The following RTN1 variants were observed in gnomAD, a reference collection of about 807,000 sequenced individuals.
The protein encoded by RTN1 is reticulon-1.
A neutral mutation model predicts 65.5 loss-of-function variants in RTN1; 25 were observed. The ratio of observed to expected loss-of-function variants is 0.38; its 90% confidence interval spans 0.28 to 0.53. The LOEUF (loss-of-function observed/expected upper bound fraction) is 0.53. RTN1 is among the 20% of genes least tolerant of loss of function. RTN1 has a pLI of 0.79. For synonymous variants in RTN1, 471 were observed against 447.6 expected (o/e 1.05, Z -0.66); for missense variants, 983 against 1,025.4 (o/e 0.96, Z 0.57).
chr14:59,755,623 C>A (rs1488186464), intron 1 of RTN1, among the ~76,000 whole-genome samples: 1 of 152,144 alleles, frequency 6.6e-6, no homozygotes, highest in African/African-American at 2.4e-5. Flanking sequence ...GAGGCTGTGA[C>A]ACATTTGACA....
chr14:59,809,804 C>A (rs907287664), intron 1 of RTN1, among the ~76,000 whole-genome samples: 2 of 152,124 alleles, frequency 1.3e-5, no homozygotes, highest in Non-Finnish European at 2.9e-5. Context: ...CACAACAGAA[C>A]CCCCAGATGC....
intron 1 of RTN1, among the ~76,000 whole-genome samples, chr14:59,865,006 G>A (rs1887773615): frequency 1.3e-5 from 2 of 152,060 alleles, no homozygotes; most frequent in African/African-American, 4.8e-5. Context: ...CTTTATGTCA[G>A]TTGAGCGTTT....
intron 3 of RTN1, among the ~76,000 whole-genome samples, chr14:59,626,505 G>T (rs935749038): frequency 3.0e-4 from 46 of 152,176 alleles, no homozygotes; most frequent in African/African-American, 1.1e-3. Context: ...AGTACAGTGA[G>T]ATCTGGGGAG....
chr14:59,618,215 A>C (rs1186460745), intron 3 of RTN1, among the ~76,000 whole-genome samples: 1 of 152,234 alleles, frequency 6.6e-6, no homozygotes, highest in East Asian at 1.9e-4. Context: ...TTGCAGGACT[A>C]ACATTAGCCA....
intron 7 of RTN1, 40 bp downstream of exon 7, chr14:59,603,172 C>A: frequency 1.2e-6 from 2 of 1,612,056 alleles, no homozygotes; most frequent in Admixed American, 1.7e-5. Context: ...ATGATGAGGT[C>A]AAAATTCAAT....
chr14:59,870,358 C>A lies in RTN1; in HGVS notation c.241+32G>T, dbSNP rs1887874871. The A allele has an allele frequency of 2.7e-6, 4 of 1,469,526 alleles. No homozygotes were observed. The African/African-American group carries it at 5.8e-5, about 21-fold the overall frequency. 91.0% of individuals were successfully genotyped at this position (1,469,526 alleles called of 1,614,324 possible). ...CTGACTGGGGGGCCCTGGTCCCCGA[C>A]GCCATTTGAGGGGCAGCGGCGCCCG... is the stretch of plus-strand genomic sequence containing the variant. On this transcript the variant is annotated intron_variant, in intron 1 of 8. Coordinates refer to ENST00000267484, the MANE Select transcript of RTN1 (RefSeq NM_021136.3). The surrounding 1 kb of genome is among the most constrained non-coding windows in gnomAD (Gnocchi z 5.1).
chr14:59,652,625 T>C (rs1392195066), intron 3 of RTN1, among the ~76,000 whole-genome samples: 1 of 151,932 alleles, frequency 6.6e-6, no homozygotes, highest in Non-Finnish European at 1.5e-5. Flanking sequence ...TGGAGCTAAA[T>C]GATGAGAACA....
intron 1 of RTN1, among the ~76,000 whole-genome samples, chr14:59,863,504 C>G (rs1887745984): frequency 6.6e-6 from 1 of 152,160 alleles, no homozygotes; most frequent in South Asian, 2.1e-4. Flanking sequence ...CTTCTGGAGT[C>G]TCTTTCAGTT....
chr14:59,751,457 T>C (rs112961231), intron 1 of RTN1, among the ~76,000 whole-genome samples: 4,936 of 152,190 alleles, frequency 0.032, 261 homozygotes, highest in African/African-American at 0.11. Flanking sequence ...AGATAGATAT[T>C]TCACTACAGA....
Position 59,746,253 on chromosome 14 carries a change from T to C in RTN1, c.470A>G (p.Glu157Gly). The C allele has an allele frequency of 6.2e-7, 1 of 1,613,178 alleles. No individual in the cohort carries two copies. The highest frequency in any genetic ancestry group is 1.1e-5 in the South Asian group (1 of 90,900). The change falls in exon 2 of 9, where the codon GAG (glutamate) becomes GGG (glycine). Residue 157 changes from glutamate (E) to glycine (G), a missense_variant. Coordinates refer to ENST00000267484, the MANE Select transcript of RTN1 (RefSeq NM_021136.3). ...GPSLPDVPGI[E>G]SRGLFSSDSG... ...ATCAGAACTAAATAAGCCACGAGAC[T>C]CTATCCCAGGCACATCTGGTAAGGA...
rs941410009 is a variant in RTN1, at chr14:59,803,103, G to A, written c.242-56622C>T. Among the ~76,000 whole-genome samples, 3 of 152,150 alleles carry A rather than the reference G, an allele frequency of 2.0e-5. No individual in the cohort carries two copies. The highest frequency in any genetic ancestry group is 2.1e-4 in the South Asian group (1 of 4,824). ...AAGCACACAGGCCATGCAGAAAACC[G>A]CTGTCTATCTAAATGAAATCAAAAG... On this transcript the variant is annotated intron_variant, in intron 1 of 8. Coordinates refer to ENST00000267484, the MANE Select transcript of RTN1 (RefSeq NM_021136.3). This position sits in a 1 kb window ranked among gnomAD's most constrained non-coding sequence, Gnocchi z 5.6.
intron 3 of RTN1, among the ~76,000 whole-genome samples, chr14:59,719,442 C>A (rs1336818693): frequency 6.6e-6 from 1 of 152,192 alleles, no homozygotes; most frequent in African/African-American, 2.4e-5. Flanking sequence ...TTACACATCA[C>A]TCTGTTGATT....
chr14:59,832,489 C>A (rs1887142856), intron 1 of RTN1, among the ~76,000 whole-genome samples: 1 of 152,190 alleles, frequency 6.6e-6, no homozygotes, highest in African/African-American at 2.4e-5. Context: ...TCCCTTACAG[C>A]AGGCCAGAGG....
intron 3 of RTN1, among the ~76,000 whole-genome samples, chr14:59,673,022 T>C (rs1198613402): frequency 6.6e-6 from 1 of 152,260 alleles, no homozygotes; most frequent in Non-Finnish European, 1.5e-5. Context: ...TTTATGACAT[T>C]GGTTTCCTGT....
At chr14:59,854,386 T>C (rs1285584646) in intron 1 of RTN1, among the ~76,000 whole-genome samples, 2 of 151,916 alleles carry the variant, frequency 1.3e-5, no homozygotes. Flanking sequence ...CTCACACCTG[T>C]AATCCCAGCA....
intron 1 of RTN1, among the ~76,000 whole-genome samples, chr14:59,858,453 T>G: frequency 6.6e-6 from 1 of 151,914 alleles, no homozygotes; most frequent in Admixed American, 6.6e-5. Context: ...TACACATAAT[T>G]TTCTGTTGTT....
At chr14:59,827,280 G>A (rs1302718175) in intron 1 of RTN1, among the ~76,000 whole-genome samples, 6 of 152,084 alleles carry the variant, frequency 3.9e-5, no homozygotes, top group African/African-American at 7.2e-5. Context: ...GGGTTTCACC[G>A]TGTTAGCCAA....
intron 1 of RTN1, among the ~76,000 whole-genome samples, chr14:59,857,916 C>T (rs1887636621): frequency 2.0e-5 from 3 of 152,166 alleles, no homozygotes; most frequent in African/African-American, 7.2e-5. Flanking sequence ...TCCTTGTCAT[C>T]ATCCCCATAC....
intron 1 of RTN1, among the ~76,000 whole-genome samples, chr14:59,819,414 ACCCCCCCCCCACCCCCCACC>A (rs561200821): frequency 0.07 from 2,225 of 31,948 alleles, 235 homozygotes; most frequent in Non-Finnish European, 0.084. Context: ...CACCACCACC[ACCCCCCCCCCACCCCCCACC>A]CCCCCCCCCC....
Sources: gnomAD v4.1 joint callset for allele counts (sites outside exome capture counted in the v4.1 genomes callset) on GRCh38, gnomAD v4.1.1 for gene constraint, Gnocchi (gnomAD v3.1) non-coding constraint, MANE v1.5 for transcripts, NCBI Gene and HGNC (gene_info 2026-07-23, HGNC 2026-07-21) for gene names.